Variants in GNA13 observed in about 807,000 individuals in gnomAD.
GNA13 encodes the protein guanine nucleotide-binding protein subunit alpha-13.
Under a neutral mutation model 33.5 loss-of-function variants are expected in GNA13, and 4 were observed. The ratio of observed to expected loss-of-function variants is 0.12; its 90% CI spans 0.06 to 0.27. The LOEUF (loss-of-function observed/expected upper bound fraction) is 0.27, where lower values mean the gene tolerates loss of function less well. Among genes scored for constraint, GNA13 ranks in the 10% least tolerant of loss-of-function variants. The pLI is 1.00. For synonymous variants in GNA13, 176 were observed against 183.8 expected, an observed-to-expected ratio of 0.96 and a Z score of 0.34; for missense variants, 319 against 487.2, an observed-to-expected ratio of 0.65 and a Z score of 3.25.
In GNA13 at chr17:65,056,647, C is replaced by T. The variant is rs1908076662; in HGVS notation, c.-54G>A. 5 of 1,465,930 alleles carry T rather than the reference C, an allele frequency of 3.4e-6. No individual in the cohort carries two copies. The South Asian group carries it at 3.8e-5, about 11-fold the overall frequency. The allele number at this position is 1,465,930 out of a possible 1,614,324, so 90.8% of individuals were successfully genotyped here. A position where few individuals can be genotyped will look rare whatever the true frequency, so the allele number is the denominator to read the frequency against. On this transcript the variant is annotated 5_prime_UTR_variant, in exon 1 of 4. Coordinates refer to ENST00000439174, the MANE Select transcript of GNA13 (RefSeq NM_006572.6). Reference sequence around the variant, plus strand: ...GCCCCTCCGGCTCCCTCCACCTCCTCCTCCGGCGGCGGGCGGCTCCGGCAC... The same window carrying T: ...GCCCCTCCGGCTCCCTCCACCTCCTTCTCCGGCGGCGGGCGGCTCCGGCAC...
In GNA13 at chr17:65,036,139, T is replaced by C. The variant is rs536049785; in HGVS notation, c.510+17363A>G. Reference sequence around the variant, plus strand: ...CTCAATCATTATCCCAACCAAACTCTCTCCAGAAGAAAATTTCCACACAGC... The same window carrying C: ...CTCAATCATTATCCCAACCAAACTCCCTCCAGAAGAAAATTTCCACACAGC... On this transcript the variant is annotated intron_variant, in intron 2 of 3. Coordinates refer to ENST00000439174, the MANE Select transcript of GNA13 (RefSeq NM_006572.6). Among the ~76,000 whole-genome samples the C allele has an allele frequency of 2.0e-5, 3 of 152,224 alleles. No individual in the cohort carries two copies. The South Asian group carries it at 6.2e-4, about 32-fold the overall frequency.
chr17:65,017,728 G>A (rs758576009), intron 3 of GNA13, among the ~76,000 whole-genome samples: 12 of 152,116 alleles, frequency 7.9e-5, no homozygotes, highest in Non-Finnish European at 1.0e-4. Flanking sequence ...CCTACTCCGT[G>A]ACTCGACACA....
chr17:65,034,247 T>G (rs946833086), intron 2 of GNA13, among the ~76,000 whole-genome samples: 1 of 152,058 alleles, frequency 6.6e-6, no homozygotes, highest in Non-Finnish European at 1.5e-5. Flanking sequence ...AAATAAGAGC[T>G]TTTTTGGAAA....
At chr17:65,027,952 C>CATT (rs972943930) in intron 2 of GNA13, among the ~76,000 whole-genome samples, 33 of 151,918 alleles carry the variant, frequency 2.2e-4, no homozygotes, top group Non-Finnish European at 4.1e-4. Flanking sequence ...AAAGTACAAA[C>CATT]ATTAGGCTGG....
At chr17:65,034,447 C>T (rs1221129371) in intron 2 of GNA13, among the ~76,000 whole-genome samples, 5 of 151,346 alleles carry the variant, frequency 3.3e-5, no homozygotes, top group African/African-American at 9.7e-5. Context: ...TACAGACACC[C>T]GCCACCACGC....
chr17:65,055,568 C>T, intron 1 of GNA13: 33 of 981,716 alleles, frequency 3.4e-5, no homozygotes, highest in Non-Finnish European at 3.9e-5. Flanking sequence ...ACGTGTTGCA[C>T]AGAAATCACA....
intron 2 of GNA13, among the ~76,000 whole-genome samples, chr17:65,020,170 T>C (rs992278347): frequency 6.6e-6 from 1 of 152,244 alleles, no homozygotes; most frequent in Middle Eastern, 3.2e-3. Flanking sequence ...AGATAAAATA[T>C]GAATTACTGG....
At chr17:65,033,366 G>C (rs1236252361) in intron 2 of GNA13, among the ~76,000 whole-genome samples, 2 of 151,830 alleles carry the variant, frequency 1.3e-5, no homozygotes, top group Non-Finnish European at 1.5e-5. Context: ...TGGTAGACCT[G>C]TAGTCCAGCT....
intron 2 of GNA13, among the ~76,000 whole-genome samples, chr17:65,024,158 T>C (rs973322568): frequency 1.3e-5 from 2 of 152,082 alleles, no homozygotes; most frequent in Non-Finnish European, 2.9e-5. Context: ...GAGGGTGAGG[T>C]AGGATCATCA....
intron 2 of GNA13, among the ~76,000 whole-genome samples, chr17:65,018,915 T>C (rs753610936): frequency 3.9e-5 from 6 of 152,142 alleles, no homozygotes; most frequent in Non-Finnish European, 7.3e-5. Context: ...TTCAAACATC[T>C]AAACTGTACG....
At chr17:65,033,165 A>C (rs983159011) in intron 2 of GNA13, among the ~76,000 whole-genome samples, 2 of 151,904 alleles carry the variant, frequency 1.3e-5, no homozygotes, top group African/African-American at 4.8e-5. Context: ...GTTTTCAATG[A>C]GGGTAATACT....
intron 2 of GNA13, among the ~76,000 whole-genome samples, chr17:65,027,643 CAT>C (rs2143789780): frequency 6.6e-6 from 1 of 152,230 alleles, no homozygotes; most frequent in South Asian, 2.1e-4. Context: ...TAAATATTTG[CAT>C]ATAGTGTTAA....
In GNA13 at chr17:65,010,849, AACTGC is replaced by A. The variant is rs1906163718; in HGVS notation, c.*3403_*3407del. 4.8e-6 allele frequency: 1 copy of A among 208,932 alleles called. No individual in the cohort carries two copies. Among genetic ancestry groups the A allele is most frequent in the African/African-American group, 2.3e-5 (1 of 44,028 alleles). The allele number at this position is 208,932 out of a possible 1,614,324, so 12.9% of individuals were successfully genotyped here. On this transcript the variant is annotated 3_prime_UTR_variant, in exon 4 of 4. Coordinates refer to ENST00000439174, the MANE Select transcript of GNA13 (RefSeq NM_006572.6). ...CATACACAGAAATAACATTGCTACA[AACTGC>A]AATGGAGAGAATCTTGTTTCAAATG...
chr17:65,016,957 T>G (rs1300437403), intron 3 of GNA13, among the ~76,000 whole-genome samples: 1 of 152,196 alleles, frequency 6.6e-6, no homozygotes, highest in Non-Finnish European at 1.5e-5. Context: ...AACATTCCCC[T>G]ACTAGTGGTC....
chr17:65,024,287 T>C (rs1336420263), intron 2 of GNA13, among the ~76,000 whole-genome samples: 1 of 152,180 alleles, frequency 6.6e-6, no homozygotes, highest in Non-Finnish European at 1.5e-5. Flanking sequence ...TGGTAGTATC[T>C]GTGTGAAAAT....
rs1469873029 is a variant in GNA13, at chr17:65,011,199, C to T, written c.*3058G>A. 4.9e-6 allele frequency: 1 copy of T among 202,338 alleles called. No individual in the cohort carries two copies. Among genetic ancestry groups the T allele is most frequent in the African/African-American group, 2.3e-5 (1 of 43,694 alleles). The allele number at this position is 202,338 out of a possible 1,614,324, so 12.5% of individuals were successfully genotyped here. A position where few individuals can be genotyped will look rare whatever the true frequency, so the allele number is the denominator to read the frequency against. On this transcript the variant is annotated 3_prime_UTR_variant, in exon 4 of 4. Transcript: ENST00000439174. ...TTCTGGTATTAAGGCGATCTTATTT[C>T]CTTCTACTTTAAACCAACCACTGCC...
intron 2 of GNA13, among the ~76,000 whole-genome samples, chr17:65,027,929 A>G (rs1257779423): frequency 6.6e-6 from 1 of 152,102 alleles, no homozygotes; most frequent in African/African-American, 2.4e-5. Flanking sequence ...ACATGGTGAA[A>G]TCCCATCTAC....
intron 2 of GNA13, among the ~76,000 whole-genome samples, chr17:65,023,920 C>T (rs924651679): frequency 2.6e-5 from 4 of 152,194 alleles, no homozygotes; most frequent in African/African-American, 9.7e-5. Context: ...TAACAGGATT[C>T]TGTAAGTATC....
chr17:65,028,267 T>G (rs889892042), intron 2 of GNA13, among the ~76,000 whole-genome samples: 1 of 151,530 alleles, frequency 6.6e-6, no homozygotes, highest in Non-Finnish European at 1.5e-5. Flanking sequence ...TAGGCGGGCA[T>G]AGTGATGGGC....
Sources: gnomAD v4.1 joint callset for allele counts (sites outside exome capture counted in the v4.1 genomes callset) on GRCh38, gnomAD v4.1.1 for gene constraint, MANE v1.5 for transcripts, NCBI Gene and HGNC (gene_info 2026-07-23, HGNC 2026-07-21) for gene names.